MAD1L1: variants seen among roughly 807,000 people sequenced by gnomAD.
MAD1L1 encodes the protein mitotic arrest deficient 1 like 1.
In MAD1L1, 95 loss-of-function variants were observed where a neutral mutation model predicts 96.9. That is an observed-to-expected ratio of 0.98 (90% CI 0.83 to 1.16). MAD1L1 has a LOEUF of 1.16. MAD1L1 is among the 50% of genes most tolerant of loss of function. The pLI is 0.00. For synonymous variants in MAD1L1, 473 were observed against 396.6 expected (o/e 1.19, Z -2.29); for missense variants, 1,007 against 954.4 (o/e 1.06, Z -0.73).
chr7:2,211,651 G>A (rs917644555), intron 10 of MAD1L1, among the ~76,000 whole-genome samples: 26 of 152,320 alleles, frequency 1.7e-4, no homozygotes, highest in African/African-American at 5.8e-4. Context: ...TTTAGGCCCC[G>A]CTGAGGCCGG....
At chr7:1,873,207 G>A (rs1470369350) in intron 18 of MAD1L1, among the ~76,000 whole-genome samples, 1 of 152,194 alleles carries the variant, frequency 6.6e-6, no homozygotes, top group Non-Finnish European at 1.5e-5. Flanking sequence ...CACCGTAAAT[G>A]TGTGCAGGGA....
chr7:2,182,502 T>G (rs1409028872), intron 10 of MAD1L1, among the ~76,000 whole-genome samples: 1 of 151,560 alleles, frequency 6.6e-6, no homozygotes, highest in East Asian at 1.9e-4. Flanking sequence ...AAAAAAAAGG[T>G]CTCATACAAA....
intron 18 of MAD1L1, among the ~76,000 whole-genome samples, chr7:1,842,499 C>G (rs898613841): frequency 1.3e-5 from 2 of 152,266 alleles, no homozygotes; most frequent in African/African-American, 4.8e-5. Context: ...GAATCCCTTC[C>G]GGCGCATGCC....
chr7:1,909,980 C>A (rs1386221314), intron 17 of MAD1L1, among the ~76,000 whole-genome samples: 1 of 152,306 alleles, frequency 6.6e-6, no homozygotes, highest in East Asian at 1.9e-4. Flanking sequence ...AAACAGGGCA[C>A]CTCTTGTGTG....
At chr7:1,922,952 C>G (rs2128457245) in intron 17 of MAD1L1, among the ~76,000 whole-genome samples, 1 of 152,348 alleles carries the variant, frequency 6.6e-6, no homozygotes, top group South Asian at 2.1e-4. Flanking sequence ...CTTGCACTCT[C>G]AGAAAACAGA....
intron 10 of MAD1L1, among the ~76,000 whole-genome samples, chr7:2,190,765 C>T (rs1347578962): frequency 6.6e-6 from 1 of 152,156 alleles, no homozygotes; most frequent in Admixed American, 6.5e-5. Flanking sequence ...CCGCACACAC[C>T]CACCAGGATG....
intron 15 of MAD1L1, among the ~76,000 whole-genome samples, chr7:1,970,233 T>C (rs1005756571): frequency 1.3e-5 from 2 of 152,062 alleles, no homozygotes; most frequent in African/African-American, 4.8e-5. Context: ...TCCTGAAGGG[T>C]TGATGTTATT....
intron 16 of MAD1L1, among the ~76,000 whole-genome samples, chr7:1,943,402 C>T (rs564498317): frequency 3.3e-5 from 5 of 152,182 alleles, no homozygotes; most frequent in East Asian, 1.9e-4. Flanking sequence ...TGTCAGCAAA[C>T]GACCCAGTGT....
At chr7:1,960,281 G>C (rs947206544) in intron 15 of MAD1L1, among the ~76,000 whole-genome samples, 1 of 146,818 alleles carries the variant, frequency 6.8e-6, no homozygotes, top group African/African-American at 2.5e-5. Flanking sequence ...AAATGAAGAA[G>C]AGACAGATGA....
chr7:1,985,486 C>T (rs981930019), intron 14 of MAD1L1, among the ~76,000 whole-genome samples: 1 of 152,210 alleles, frequency 6.6e-6, no homozygotes, highest in Non-Finnish European at 1.5e-5. Context: ...ACCAGTCTAC[C>T]GCACCTGGTG....
At chr7:1,883,739 G>T (rs1452159907) in intron 18 of MAD1L1, among the ~76,000 whole-genome samples, 1 of 152,188 alleles carries the variant, frequency 6.6e-6, no homozygotes, top group Non-Finnish European at 1.5e-5. Flanking sequence ...CAGGCTCAGA[G>T]GGCAGTCTGT....
chr7:2,038,443 C>G (rs1384357449), intron 12 of MAD1L1, among the ~76,000 whole-genome samples: 1 of 148,852 alleles, frequency 6.7e-6, no homozygotes, highest in Non-Finnish European at 1.5e-5. Context: ...TCGATCCCTG[C>G]CTTCAAAGTT....
chr7:1,885,306 C>A (rs915489486), intron 18 of MAD1L1, among the ~76,000 whole-genome samples: 3 of 152,188 alleles, frequency 2.0e-5, no homozygotes, highest in African/African-American at 7.2e-5. Context: ...CACACCACAG[C>A]GTCCCTCTCG....
intron 10 of MAD1L1, among the ~76,000 whole-genome samples, chr7:2,181,847 C>A (rs1334287250): frequency 6.6e-6 from 1 of 151,844 alleles, no homozygotes. Context: ...TACTACTCAG[C>A]CATAAAAAGG....
intron 17 of MAD1L1, among the ~76,000 whole-genome samples, chr7:1,922,203 C>T (rs1262873872): frequency 6.6e-6 from 1 of 152,256 alleles, no homozygotes; most frequent in Non-Finnish European, 1.5e-5. Context: ...CTGCTTCCAG[C>T]TGCGAGAGAC....
chr7:1,827,833 G>C (rs1782507577), intron 18 of MAD1L1, among the ~76,000 whole-genome samples: 1 of 152,258 alleles, frequency 6.6e-6, no homozygotes, highest in South Asian at 2.1e-4. Context: ...GCCCGGGCTA[G>C]ACAGCACCAC....
intron 11 of MAD1L1, among the ~76,000 whole-genome samples, chr7:2,131,125 C>A (rs1193830919): frequency 6.6e-6 from 1 of 152,210 alleles, no homozygotes; most frequent in Non-Finnish European, 1.5e-5. Context: ...ACATACTGCA[C>A]TATGAGCTCC....
rs745334043 is a variant in MAD1L1 at position 2,216,272 on chromosome 7, G to T, written c.694C>A (p.Leu232Met). The change falls in exon 8 of 19, where the codon CTG becomes ATG. Residue 232 changes from leucine to methionine, a missense_variant. Physicochemically the swap from Leu to Met is conservative, Grantham distance 15. Transcript: ENST00000265854. ...EQQIKDLEQKLSLQEQDAAIV... is the reference protein window; with the variant it reads ...EQQIKDLEQKMSLQEQDAAIV... ...GCTGCATCCTGCTCTTGCAGGGACA[G>T]CTTCTGCTCCAGATCCTGATGGAGG... The T allele has an allele frequency of 1.4e-5, 22 of 1,613,888 alleles. No homozygotes were observed. Among genetic ancestry groups the T allele is most frequent in the Admixed American group, 3.3e-5 (2 of 60,000 alleles).
rs571145624 is a variant in MAD1L1 at position 2,137,754 on chromosome 7, C to T, written c.1073+11398G>A. 3.9e-5 allele frequency among the ~76,000 whole-genome samples: 6 copies of T among 152,320 alleles called. No individual in the cohort carries two copies. The East Asian group carries it at 1.2e-3, about 29-fold the overall frequency. ...ACACAGGCCAGATCCACAACCGGAA[C>T]AGAAACTTCTCCAGGAAAGGTCTCC... is the stretch of plus-strand genomic sequence containing the variant. On this transcript the variant is annotated intron_variant, in intron 11 of 18. Coordinates refer to ENST00000265854, the MANE Select transcript of MAD1L1 (RefSeq NM_001013836.2).
Sources: allele counts gnomAD v4.1 joint callset (sites outside exome capture counted in the v4.1 genomes callset), GRCh38; gene constraint gnomAD v4.1.1; transcripts MANE v1.5; gene names NCBI Gene and HGNC (gene_info 2026-07-23, HGNC 2026-07-21).